Variants in ADARB1 observed in about 807,000 individuals in gnomAD.
ADARB1 encodes adenosine deaminase RNA specific B1.
A neutral mutation model predicts 52.4 loss-of-function variants in ADARB1; 10 were observed. The ratio of observed to expected loss-of-function variants is 0.19; its 90% confidence interval spans 0.12 to 0.32. ADARB1 has a LOEUF of 0.32. ADARB1 is among the 10% of genes least tolerant of loss of function. ADARB1 has a pLI of 1.00. For synonymous variants in ADARB1, 349 were observed against 371.1 expected (o/e 0.94, Z 0.68); for missense variants, 643 against 922.3 (o/e 0.70, Z 3.92).
chr21:45,193,813 T>G (rs758019758), intron 8 of ADARB1, among the ~76,000 whole-genome samples: 3 of 152,306 alleles, frequency 2.0e-5, no homozygotes, highest in South Asian at 4.1e-4. Flanking sequence ...TGTAACACAT[T>G]GCCTAGAGAA....
At chr21:45,158,489 T>A (rs2090786149) in intron 2 of ADARB1, among the ~76,000 whole-genome samples, 1 of 152,164 alleles carries the variant, frequency 6.6e-6, no homozygotes, top group South Asian at 2.1e-4. Flanking sequence ...AATAAATGCC[T>A]TAGATTTGCA....
Position 45,176,779 on chromosome 21 carries a change from C to A in ADARB1, c.963+115C>A. The A allele has an allele frequency of 8.4e-7, 1 of 1,184,470 alleles. No homozygotes were observed. The highest frequency in any genetic ancestry group is 1.2e-6 in the Non-Finnish European group (1 of 865,218). The allele number at this position is 1,184,470 out of a possible 1,614,324, so 73.4% of individuals were successfully genotyped here. On this transcript the variant is annotated intron_variant, in intron 4 of 10. Coordinates refer to ENST00000348831, the MANE Select transcript of ADARB1 (RefSeq NM_001112.4). This position sits in a 1 kb window ranked among gnomAD's most constrained non-coding sequence, Gnocchi z 5.8. ...CTTTCCACCTTGACATCACTCTGTC[C>A]CCACCAGGAGGAGTTACTGGTAAGT... is the stretch of plus-strand genomic sequence containing the variant.
intron 1 of ADARB1, among the ~76,000 whole-genome samples, chr21:45,087,665 T>C (rs1335068606): frequency 6.6e-6 from 1 of 152,250 alleles, no homozygotes; most frequent in Middle Eastern, 3.4e-3. Context: ...GTGGCCCAGC[T>C]CTTGAAACCA....
chr21:45,186,400 A>T (rs1021976705), intron 8 of ADARB1, among the ~76,000 whole-genome samples: 2 of 152,202 alleles, frequency 1.3e-5, no homozygotes, highest in African/African-American at 4.8e-5. Flanking sequence ...TGCAAACTCC[A>T]TCACAATATT....
At chr21:45,189,733 GT>G (rs59742161) in intron 8 of ADARB1, among the ~76,000 whole-genome samples, 1,757 of 132,060 alleles carry the variant, frequency 0.013, 12 homozygotes, top group Non-Finnish European at 0.018. Flanking sequence ...TGACAGGGTT[GT>G]TTTTTTTTTT....
intron 2 of ADARB1, among the ~76,000 whole-genome samples, chr21:45,159,471 T>C (rs1407059699): frequency 6.6e-6 from 1 of 152,194 alleles, no homozygotes; most frequent in Non-Finnish European, 1.5e-5. Flanking sequence ...AATCTTTGAA[T>C]GGGAGCAAAA....
At chr21:45,199,587 G>A (rs1271592284) in intron 8 of ADARB1, among the ~76,000 whole-genome samples, 1 of 152,192 alleles carries the variant, frequency 6.6e-6, no homozygotes, top group Non-Finnish European at 1.5e-5. Context: ...GCACATGCTA[G>A]GACAGTTAAG....
intron 2 of ADARB1, among the ~76,000 whole-genome samples, chr21:45,159,852 T>C (rs1365149452): frequency 6.6e-6 from 1 of 152,236 alleles, no homozygotes; most frequent in East Asian, 1.9e-4. Flanking sequence ...CTGCTCACCA[T>C]AGAAAGTGAC....
Position 45,224,051 on chromosome 21 carries a change from G to T in ADARB1, c.*1854G>T. On this transcript the variant is annotated 3_prime_UTR_variant, in exon 11 of 11. Coordinates refer to ENST00000348831, the MANE Select transcript of ADARB1 (RefSeq NM_001112.4). ...GGTTCTGCACCTGCAGAAGGAGAGGGGTCTGTTGTCGCTGGCTTTCCCCCA... is the reference window on the plus strand; with the variant it reads ...GGTTCTGCACCTGCAGAAGGAGAGGTGTCTGTTGTCGCTGGCTTTCCCCCA... 5.1e-6 allele frequency: 5 copies of T among 985,388 alleles called. No homozygotes were observed. The highest frequency in any genetic ancestry group is 6.0e-6 in the Non-Finnish European group (5 of 829,962). 61.0% of individuals were successfully genotyped at this position (985,388 alleles called of 1,614,324 possible).
chr21:45,183,621 G>A lies in ADARB1; in HGVS notation c.1396+111G>A, dbSNP rs1246387351. ...TTTTTTCTTTTTATTTTTAGACTTG[G>A]ATGTGGATCTGATAAGAGTCTCTAT... On this transcript the variant is annotated intron_variant, in intron 7 of 10. Transcript: ENST00000348831. The A allele has an allele frequency of 4.0e-6, 5 of 1,247,588 alleles. No individual in the cohort carries two copies. The African/African-American group carries it at 6.2e-5, about 15-fold the overall frequency. 77.3% of individuals were successfully genotyped at this position (1,247,588 alleles called of 1,614,324 possible). A position where few individuals can be genotyped will look rare whatever the true frequency, so the allele number is the denominator to read the frequency against.
chr21:45,201,643 C>T (rs1359803990), intron 8 of ADARB1, among the ~76,000 whole-genome samples: 3 of 152,190 alleles, frequency 2.0e-5, no homozygotes, highest in Non-Finnish European at 4.4e-5. Flanking sequence ...TATTGATCTT[C>T]TGTATGTGCC....
At chr21:45,089,952 G>A (rs1358101557) in intron 1 of ADARB1, among the ~76,000 whole-genome samples, 1 of 152,194 alleles carries the variant, frequency 6.6e-6, no homozygotes, top group Non-Finnish European at 1.5e-5. Flanking sequence ...TGTGCTGAGT[G>A]TAGTGTTTGG....
chr21:45,134,824 G>C (rs772088220), intron 2 of ADARB1: 1 of 533,998 alleles, frequency 1.9e-6, no homozygotes, highest in Non-Finnish European at 3.8e-6. Context: ...AAGACGCCTT[G>C]CCAGCCAGGT....
chr21:45,195,191 T>A (rs563923484), intron 8 of ADARB1, among the ~76,000 whole-genome samples: 86 of 152,376 alleles, frequency 5.6e-4, no homozygotes, highest in African/African-American at 2.0e-3. Flanking sequence ...TTATTTGCCA[T>A]CTGTATATCT....
chr21:45,137,099 A>G (rs1354773077), intron 2 of ADARB1: 1 of 152,386 alleles, frequency 6.6e-6, no homozygotes, highest in Middle Eastern at 3.4e-3. Context: ...TGCTCTGAGC[A>G]TGACTAAACT....
At chr21:45,198,459 G>A (rs1478087697) in intron 8 of ADARB1, among the ~76,000 whole-genome samples, 3 of 123,170 alleles carry the variant, frequency 2.4e-5, no homozygotes, top group Non-Finnish European at 5.2e-5. Context: ...TTAAGCATAT[G>A]CAGAAAATTG....
intron 2 of ADARB1, among the ~76,000 whole-genome samples, chr21:45,149,778 A>T (rs1356217187): frequency 6.6e-6 from 1 of 152,250 alleles, no homozygotes; most frequent in African/African-American, 2.4e-5. Flanking sequence ...GCATTTTCGG[A>T]TAATGCTTGT....
intron 8 of ADARB1, among the ~76,000 whole-genome samples, chr21:45,197,732 T>C (rs546089164): frequency 1.2e-4 from 18 of 152,094 alleles, no homozygotes; most frequent in African/African-American, 1.7e-4. Context: ...GGAGTACTAC[T>C]GGGTGAAAAA....
intron 2 of ADARB1, among the ~76,000 whole-genome samples, chr21:45,158,174 C>T (rs912616938): frequency 2.0e-5 from 3 of 152,164 alleles, no homozygotes; most frequent in Admixed American, 1.3e-4. Context: ...CCTGTCTGGC[C>T]AGCTTCCTGC....
Sources: gnomAD v4.1 joint callset for allele counts (sites outside exome capture counted in the v4.1 genomes callset) on GRCh38, gnomAD v4.1.1 for gene constraint, Gnocchi (gnomAD v3.1) non-coding constraint, MANE v1.5 for transcripts, NCBI Gene and HGNC (gene_info 2026-07-23, HGNC 2026-07-21) for gene names.